The following NEDD4L variants were observed in gnomAD, a reference collection of about 807,000 sequenced individuals.
NEDD4L encodes NEDD4 like E3 ubiquitin protein ligase.
In NEDD4L, 54 loss-of-function variants were observed where a neutral mutation model predicts 148.9. The observed-to-expected ratio is 0.36, with a 90% confidence interval of 0.29 to 0.45. The LOEUF (loss-of-function observed/expected upper bound fraction) is 0.45. NEDD4L is among the 20% of genes least tolerant of loss of function. The probability of loss-of-function intolerance (pLI) is 1.00; values close to 1 mark genes in which losing one functional copy is unlikely to be tolerated. For synonymous variants in NEDD4L, 433 were observed against 440.7 expected, an observed-to-expected ratio of 0.98 and a Z score of 0.22; for missense variants, 856 against 1,233.8, an observed-to-expected ratio of 0.69 and a Z score of 4.59.
intron 2 of NEDD4L, among the ~76,000 whole-genome samples, chr18:58,185,928 G>T (rs1221759935): frequency 6.6e-6 from 1 of 152,072 alleles, no homozygotes; most frequent in Admixed American, 6.5e-5. Context: ...ATGAATGCCT[G>T]TACTCTTAGA....
chr18:58,379,005 G>A (rs774726876), intron 24 of NEDD4L, among the ~76,000 whole-genome samples: 26 of 152,336 alleles, frequency 1.7e-4, no homozygotes, highest in Non-Finnish European at 3.2e-4. Flanking sequence ...GTTCTCCCAC[G>A]AGCTCTTGCT....
chr18:58,208,650 A>G (rs1285790287), intron 2 of NEDD4L, among the ~76,000 whole-genome samples: 3 of 152,202 alleles, frequency 2.0e-5, no homozygotes, highest in Admixed American at 6.5e-5. Flanking sequence ...GGAGAAGCAG[A>G]TTCACTTTGC....
In NEDD4L at chr18:58,248,955, T is replaced by C. The variant is rs1600220815; in HGVS notation, c.243+18T>C. ...ATTTCAGGGTAAGTTTTTCATTGTT[T>C]GGTAATAATTGTTATTGATACGTCT... On this transcript the variant is annotated intron_variant, in intron 4 of 30. Coordinates refer to ENST00000400345, the MANE Select transcript of NEDD4L (RefSeq NM_001144967.3). 7.3e-7 allele frequency: 1 copy of C among 1,362,400 alleles called. No individual in the cohort carries two copies. The highest frequency in any genetic ancestry group is 1.0e-6 in the Non-Finnish European group (1 of 978,170). 84.4% of individuals were successfully genotyped at this position (1,362,400 alleles called of 1,614,324 possible). A position where few individuals can be genotyped will look rare whatever the true frequency, so the allele number is the denominator to read the frequency against.
intron 1 of NEDD4L, among the ~76,000 whole-genome samples, chr18:58,163,163 G>C (rs2036436011): frequency 6.6e-6 from 1 of 152,136 alleles, no homozygotes; most frequent in South Asian, 2.1e-4. Context: ...CTGCAGCCTT[G>C]AGCTCCTGGA....
intron 1 of NEDD4L, among the ~76,000 whole-genome samples, chr18:58,081,669 G>A (rs1319476118): frequency 1.3e-5 from 2 of 152,124 alleles, no homozygotes; most frequent in Non-Finnish European, 1.5e-5. Flanking sequence ...ATGCTGAACT[G>A]CAGCCTTGAT....
chr18:58,361,844 T>C (rs531499560), intron 19 of NEDD4L, among the ~76,000 whole-genome samples: 157 of 152,024 alleles, frequency 1.0e-3, no homozygotes, highest in African/African-American at 3.6e-3. Context: ...GAAAATGACA[T>C]TCGAGATTTT....
chr18:58,256,619 C>A lies in NEDD4L; in HGVS notation c.297+4565C>A. The A allele has an allele frequency of 1.6e-6, 2 of 1,232,228 alleles. No individual in the cohort carries two copies. The highest frequency in any genetic ancestry group is 2.0e-6 in the Non-Finnish European group (2 of 988,022). The allele number at this position is 1,232,228 out of a possible 1,614,324, so 76.3% of individuals were successfully genotyped here. ...CAGGACGAACTCCGCGGAGAGGACT[C>A]CGCAGGGCCAGGGGTGCACATTTAA... On this transcript the variant is annotated intron_variant, in intron 5 of 30. Transcript: ENST00000400345. The surrounding 1 kb of genome is among the most constrained non-coding windows in gnomAD (Gnocchi z 5.2).
At chr18:58,302,383 ACTTT>A (rs1471601694) in intron 5 of NEDD4L, among the ~76,000 whole-genome samples, 3 of 152,196 alleles carry the variant, frequency 2.0e-5, no homozygotes, top group African/African-American at 7.2e-5. Flanking sequence ...TTTAAGGGAT[ACTTT>A]CTAACATTCC....
At chr18:58,300,618 AG>A in intron 5 of NEDD4L, among the ~76,000 whole-genome samples, 1 of 152,346 alleles carries the variant, frequency 6.6e-6, no homozygotes, top group South Asian at 2.1e-4. Context: ...AGAATTACTC[AG>A]GAATGAGAGC....
intron 9 of NEDD4L, among the ~76,000 whole-genome samples, chr18:58,327,405 C>T (rs2059404078): frequency 6.6e-6 from 1 of 152,178 alleles, no homozygotes; most frequent in Admixed American, 6.5e-5. Context: ...CTGAAAAATG[C>T]AGTTCTTAAT....
chr18:58,207,706 C>T (rs1476997804), intron 2 of NEDD4L, among the ~76,000 whole-genome samples: 1 of 152,186 alleles, frequency 6.6e-6, no homozygotes, highest in Non-Finnish European at 1.5e-5. Context: ...TGCACTCACT[C>T]ACGAGTGTCA....
intron 2 of NEDD4L, chr18:58,227,778 T>C (rs529526202): frequency 2.0e-6 from 1 of 494,460 alleles, no homozygotes; most frequent in African/African-American, 2.1e-5. Flanking sequence ...TAATCCTTTA[T>C]TAATTGCCTC....
At chr18:58,243,022 C>T (rs1399265786) in intron 2 of NEDD4L, among the ~76,000 whole-genome samples, 2 of 152,226 alleles carry the variant, frequency 1.3e-5, no homozygotes, top group Non-Finnish European at 2.9e-5. Context: ...GTGTCCCACA[C>T]CTAAGTATCC....
chr18:58,277,917 G>A (rs924166454), intron 5 of NEDD4L, among the ~76,000 whole-genome samples: 1 of 152,080 alleles, frequency 6.6e-6, no homozygotes, highest in African/African-American at 2.4e-5. Flanking sequence ...TTGCTTATCA[G>A]TGTTTTATAC....
At chr18:58,118,798 C>G (rs1304559372) in intron 1 of NEDD4L, among the ~76,000 whole-genome samples, 2 of 152,148 alleles carry the variant, frequency 1.3e-5, no homozygotes, top group Admixed American at 6.5e-5. Context: ...CAGTGAAGGC[C>G]CCTGTGTCCT....
chr18:58,076,010 G>C (rs2083138730), intron 1 of NEDD4L, among the ~76,000 whole-genome samples: 1 of 152,156 alleles, frequency 6.6e-6, no homozygotes, highest in Non-Finnish European at 1.5e-5. Context: ...TTGGCACAAA[G>C]CACGATGGAA....
At chr18:58,368,422 G>A (rs943389277) in intron 22 of NEDD4L, among the ~76,000 whole-genome samples, 9 of 152,082 alleles carry the variant, frequency 5.9e-5, no homozygotes, top group Non-Finnish European at 1.0e-4. Flanking sequence ...TCTACCTGGC[G>A]GTATCTATAG....
At position 58,342,992 on chromosome 18, in the gene NEDD4L, C is replaced by T. The variant is rs761309235; in HGVS notation, c.1464C>T (p.Pro488=). The stretch of plus-strand genomic sequence containing the variant: ...CACAGCCATCACCTTACAACTCCCC[C>T]AAACCACAACACAAAGTCACACAGA... ...QSPQPSPYNS[P]KPQHKVTQSF... The change falls in exon 16 of 31, where the codon CCC becomes CCT. Residue 488 remains proline (P), a synonymous_variant. Coordinates refer to ENST00000400345, the MANE Select transcript of NEDD4L (RefSeq NM_001144967.3). The T allele has an allele frequency of 9.9e-6, 16 of 1,613,832 alleles. No homozygotes were observed. In the Admixed American group the frequency reaches 1.2e-4, roughly 12 times the overall value.
chr18:58,060,805 C>G (rs886840148), intron 1 of NEDD4L, among the ~76,000 whole-genome samples: 1 of 152,036 alleles, frequency 6.6e-6, no homozygotes, highest in African/African-American at 2.4e-5. Flanking sequence ...GTTGCGCAGG[C>G]TGGAGTGCAA....
Sources: gnomAD v4.1 joint callset for allele counts (sites outside exome capture counted in the v4.1 genomes callset) on GRCh38, gnomAD v4.1.1 for gene constraint, Gnocchi (gnomAD v3.1) non-coding constraint, MANE v1.5 for transcripts, NCBI Gene and HGNC (gene_info 2026-07-23, HGNC 2026-07-21) for gene names.